Variants in SLC8A1 observed in about 807,000 individuals in gnomAD.
SLC8A1 encodes solute carrier family 8 member A1, also known as sodium/calcium exchanger 1.
In SLC8A1, 18 loss-of-function variants were observed where a neutral mutation model predicts 68.3. The ratio of observed to expected loss-of-function variants is 0.26; its 90% CI spans 0.18 to 0.39. The LOEUF (loss-of-function observed/expected upper bound fraction) is 0.39. SLC8A1 is among the 10% of genes least tolerant of loss of function. SLC8A1 has a pLI of 1.00. For missense variants in SLC8A1, 985 were observed against 1,156.7 expected (o/e 0.85, Z 2.15); for synonymous variants, 475 against 415.5 (o/e 1.14, Z -1.74).
At chr2:40,221,231 G>A (rs974526390) in intron 2 of SLC8A1, among the ~76,000 whole-genome samples, 2 of 152,120 alleles carry the variant, frequency 1.3e-5, no homozygotes, top group African/African-American at 4.8e-5. Flanking sequence ...TTCAACATAT[G>A]CAAATCAATA....
chr2:40,433,358 GC>G (rs1698750669), intron 1 of SLC8A1, among the ~76,000 whole-genome samples: 1 of 152,032 alleles, frequency 6.6e-6, no homozygotes, highest in Admixed American at 6.6e-5. Flanking sequence ...AAACTATTTT[GC>G]TTTTTCCTTC....
chr2:40,376,838 C>G (rs1054142073), intron 2 of SLC8A1, among the ~76,000 whole-genome samples: 8 of 152,172 alleles, frequency 5.3e-5, no homozygotes, highest in African/African-American at 1.9e-4. Flanking sequence ...ACTAAATAAT[C>G]TGAATACTTG....
intron 2 of SLC8A1, among the ~76,000 whole-genome samples, chr2:40,400,715 T>C (rs1487574574): frequency 1.3e-5 from 2 of 152,038 alleles, no homozygotes; most frequent in East Asian, 1.9e-4. Context: ...GAAAGAAAGG[T>C]ACCAGTTCCC....
At chr2:40,434,179 A>G (rs1698948492) in intron 1 of SLC8A1, among the ~76,000 whole-genome samples, 2 of 152,146 alleles carry the variant, frequency 1.3e-5, no homozygotes, top group Non-Finnish European at 1.5e-5. Flanking sequence ...GTAAAAATCC[A>G]TCATCATTAT....
At chr2:40,508,522 T>A (rs1706508589) in intron 1 of SLC8A1, among the ~76,000 whole-genome samples, 2 of 152,046 alleles carry the variant, frequency 1.3e-5, no homozygotes, top group African/African-American at 4.8e-5. Context: ...TTAAGAACCA[T>A]AATGTCACAT....
intron 2 of SLC8A1, among the ~76,000 whole-genome samples, chr2:40,294,826 T>G (rs1354733412): frequency 6.6e-6 from 1 of 152,218 alleles, no homozygotes; most frequent in African/African-American, 2.4e-5. Flanking sequence ...ATAATTTTGT[T>G]TCCTAACAAT....
At chr2:40,218,969 A>G (rs1317059177) in intron 2 of SLC8A1, among the ~76,000 whole-genome samples, 1 of 152,076 alleles carries the variant, frequency 6.6e-6, no homozygotes, top group African/African-American at 2.4e-5. Context: ...TTAGAAAGCA[A>G]TATTAGCTAG....
intron 6 of SLC8A1, among the ~76,000 whole-genome samples, chr2:40,153,542 C>G (rs2043855143): frequency 6.6e-6 from 1 of 152,202 alleles, no homozygotes; most frequent in Non-Finnish European, 1.5e-5. Context: ...CAGTGTTGCT[C>G]ATATCTCCTG....
At chr2:40,422,206 C>T (rs1695702511) in intron 2 of SLC8A1, among the ~76,000 whole-genome samples, 1 of 152,142 alleles carries the variant, frequency 6.6e-6, no homozygotes, top group African/African-American at 2.4e-5. Context: ...TGTTGCAAGG[C>T]TAAACTTCTG....
intron 6 of SLC8A1, among the ~76,000 whole-genome samples, chr2:40,149,006 C>T (rs927364372): frequency 1.3e-5 from 2 of 152,192 alleles, no homozygotes; most frequent in African/African-American, 4.8e-5. Context: ...CAATATCAGC[C>T]ATCTGGAAAA....
rs34808025 is a variant in SLC8A1 at position 40,482,789 on chromosome 2, C to CTTT, written c.-25+29557_-25+29559dup. Among the ~76,000 whole-genome samples the CTTT allele has an allele frequency of 5.8e-3, 761 of 131,832 alleles. 15 individuals are homozygous for CTTT. The highest frequency in any genetic ancestry group is 0.02 in the African/African-American group (716 of 34,988). 86.5% of individuals were successfully genotyped at this position (131,832 alleles called of 152,430 possible). On this transcript the variant is annotated intron_variant, in intron 1 of 7. Transcript: ENST00000402441. Reference sequence around the variant, plus strand: ...TCTATGACAGAAGCCACAGTTAGCACTTTTTTTTTTTTTTTTTTTGAGACG... The same window carrying CTTT: ...TCTATGACAGAAGCCACAGTTAGCACTTTTTTTTTTTTTTTTTTTTTTGAGACG...
chr2:40,126,407 C>G (rs17025163), intron 7 of SLC8A1, among the ~76,000 whole-genome samples: 21,912 of 152,076 alleles, frequency 0.14, 1,878 homozygotes, highest in African/African-American at 0.22. Context: ...TTCCAAAGTC[C>G]TAACTAATCC....
At chr2:40,193,747 G>T (rs1479139895) in intron 2 of SLC8A1, among the ~76,000 whole-genome samples, 1 of 152,066 alleles carries the variant, frequency 6.6e-6, no homozygotes, top group Non-Finnish European at 1.5e-5. Context: ...AGCTTGTATT[G>T]TAGTGAAGGA....
At chr2:40,195,176 A>T (rs916935279) in intron 2 of SLC8A1, among the ~76,000 whole-genome samples, 2 of 152,112 alleles carry the variant, frequency 1.3e-5, no homozygotes, top group African/African-American at 4.8e-5. Context: ...TAGAAAGTCA[A>T]ATATGACTTT....
At chr2:40,270,062 A>C (rs2065841935) in intron 2 of SLC8A1, among the ~76,000 whole-genome samples, 1 of 152,180 alleles carries the variant, frequency 6.6e-6, no homozygotes, top group Admixed American at 6.5e-5. Context: ...ATAAATGGTC[A>C]GTAGGTCTTC....
At chr2:40,137,420 C>T (rs926084520) in intron 7 of SLC8A1, among the ~76,000 whole-genome samples, 17 of 152,220 alleles carry the variant, frequency 1.1e-4, no homozygotes, top group African/African-American at 4.1e-4. Context: ...CCTTTATGAT[C>T]ATTATTTGCA....
rs891684227 is a variant in SLC8A1 at position 40,211,034 on chromosome 2, T to C, written c.1809-33179A>G. On this transcript the variant is annotated intron_variant, in intron 2 of 7. Coordinates refer to ENST00000406785, the Ensembl canonical transcript of SLC8A1. ...CACCTTTGGAAAAGCCAGGCCATTC[T>C]GAAGTAGGTCTTTGTCTTTCCAGTC... 2.0e-5 allele frequency among the ~76,000 whole-genome samples: 3 copies of C among 152,250 alleles called. No individual in the cohort carries two copies. The South Asian group carries it at 6.2e-4, about 31-fold the overall frequency.
intron 2 of SLC8A1, among the ~76,000 whole-genome samples, chr2:40,350,010 C>T (rs1423371385): frequency 1.3e-5 from 2 of 152,104 alleles, no homozygotes; most frequent in African/African-American, 2.4e-5. Flanking sequence ...ATTAGAATTT[C>T]TGAGCTTTGC....
At chr2:40,224,478 T>C (rs965012896) in intron 2 of SLC8A1, among the ~76,000 whole-genome samples, 2 of 152,082 alleles carry the variant, frequency 1.3e-5, no homozygotes, top group Admixed American at 6.6e-5. Context: ...ATAAGAATGA[T>C]TTAATGTGTT....
Sources: gnomAD v4.1 joint callset for allele counts (sites outside exome capture counted in the v4.1 genomes callset) on GRCh38, gnomAD v4.1.1 for gene constraint, MANE v1.5 for transcripts, NCBI Gene and HGNC (gene_info 2026-07-23, HGNC 2026-07-21) for gene names.